The following EPHB1 variants were observed in gnomAD, a reference collection of about 807,000 sequenced individuals.
The protein encoded by EPHB1 is EPH receptor B1.
A neutral mutation model predicts 94.4 loss-of-function variants in EPHB1; 30 were observed. The ratio of observed to expected loss-of-function variants is 0.32; its 90% CI spans 0.24 to 0.43. The LOEUF is 0.43. Ranked by LOEUF, EPHB1 falls within the 20% of genes least tolerant of loss-of-function variation. The pLI, the probability that EPHB1 is intolerant of heterozygous loss-of-function variation, is 1.00. For synonymous variants in EPHB1, 522 were observed against 489.1 expected, an observed-to-expected ratio of 1.07 and a Z score of -0.89; for missense variants, 1,055 against 1,308.3, an observed-to-expected ratio of 0.81 and a Z score of 2.99.
chr3:135,001,195 C>G (rs762161925), intron 3 of EPHB1, among the ~76,000 whole-genome samples: 1 of 152,094 alleles, frequency 6.6e-6, no homozygotes, highest in South Asian at 2.1e-4. Flanking sequence ...AACAGCCAGG[C>G]GGGGGAGCCT....
intron 4 of EPHB1, among the ~76,000 whole-genome samples, chr3:135,109,392 T>C (rs1244772967): frequency 6.6e-6 from 1 of 152,248 alleles, no homozygotes; most frequent in African/African-American, 2.4e-5. Flanking sequence ...TAATAATGTA[T>C]GCTTTTCTGA....
At chr3:135,088,769 G>A (rs1938452938) in intron 3 of EPHB1, among the ~76,000 whole-genome samples, 1 of 152,200 alleles carries the variant, frequency 6.6e-6, no homozygotes, top group Non-Finnish European at 1.5e-5. Context: ...ATCAAAGCTT[G>A]ATGGGAATGT....
chr3:135,005,679 C>T (rs113170689), intron 3 of EPHB1, among the ~76,000 whole-genome samples: 32 of 152,330 alleles, frequency 2.1e-4, no homozygotes, highest in African/African-American at 4.3e-4. Flanking sequence ...TTTTTAAGCC[C>T]GTCGGAAAAG....
chr3:135,173,182 G>C (rs6786004), intron 9 of EPHB1, among the ~76,000 whole-genome samples: 124,078 of 150,860 alleles, frequency 0.82, 51,492 homozygotes, highest in East Asian at 1. Context: ...CTACAGGCGC[G>C]CGCCACTACG....
At chr3:135,118,158 T>G (rs1939788945) in intron 4 of EPHB1, among the ~76,000 whole-genome samples, 1 of 152,162 alleles carries the variant, frequency 6.6e-6, no homozygotes, top group African/African-American at 2.4e-5. Context: ...AGGGTCTGCA[T>G]GAGGCTCCAT....
At chr3:135,167,287 G>A (rs933880309) in intron 9 of EPHB1, among the ~76,000 whole-genome samples, 1 of 152,234 alleles carries the variant, frequency 6.6e-6, no homozygotes, top group African/African-American at 2.4e-5. Context: ...AAAAGATTGG[G>A]TTTAGCAAGT....
Position 135,031,598 on chromosome 3 carries a change from C to T in EPHB1, c.806-74850C>T, listed in dbSNP as rs140875761. Among the ~76,000 whole-genome samples, 8 of 152,364 alleles carry T rather than the reference C, an allele frequency of 5.3e-5. No individual in the cohort carries two copies. The East Asian group carries it at 1.2e-3, about 22-fold the overall frequency. On this transcript the variant is annotated intron_variant, in intron 3 of 15. Transcript: ENST00000398015. ...TTGCCGGGGTTATAGGCATGAGCCA[C>T]TGCATCCAGCTGCAACTATTTTTCA... is the stretch of plus-strand genomic sequence containing the variant.
Position 134,942,368 on chromosome 3 carries a change from A to G in EPHB1, c.124-9003A>G, listed in dbSNP as rs141042886. ...TTACTTGGAGGGTAAAGAGAATTCA[A>G]TGACGAAACAGAAGGGGAGGGCTGA... is the stretch of plus-strand genomic sequence containing the variant. On this transcript the variant is annotated intron_variant, in intron 2 of 15. Coordinates refer to ENST00000398015, the MANE Select transcript of EPHB1 (RefSeq NM_004441.5). Among the ~76,000 whole-genome samples the G allele has an allele frequency of 3.2e-3, 490 of 152,340 alleles. 2 individuals are homozygous for G. The highest frequency in any genetic ancestry group is 5.2e-3 in the Admixed American group (79 of 15,302).
At chr3:135,054,477 G>T (rs1937290764) in intron 3 of EPHB1, among the ~76,000 whole-genome samples, 2 of 152,238 alleles carry the variant, frequency 1.3e-5, no homozygotes, top group Non-Finnish European at 2.9e-5. Flanking sequence ...TATGCTGAAC[G>T]TCTCACTTCA....
chr3:134,822,445 A>G (rs1463737300), intron 1 of EPHB1, among the ~76,000 whole-genome samples: 1 of 152,222 alleles, frequency 6.6e-6, no homozygotes, highest in Non-Finnish European at 1.5e-5. Flanking sequence ...TGATGGGGGC[A>G]CTAACCAACA....
At chr3:135,201,328 G>C (rs1942749211) in intron 11 of EPHB1, 146 bp from the exon 12 acceptor site, 1 of 740,398 alleles carries the variant, frequency 1.4e-6, no homozygotes, top group Non-Finnish European at 2.3e-6. Context: ...AAGAATGGGG[G>C]ATGGGAGTGG....
intron 4 of EPHB1, among the ~76,000 whole-genome samples, chr3:135,129,423 T>C (rs1375470177): frequency 6.6e-6 from 1 of 152,058 alleles, no homozygotes; most frequent in East Asian, 1.9e-4. Flanking sequence ...TCATCACTGA[T>C]TACTGCTGCT....
At chr3:135,175,183 C>T (rs564978035) in intron 9 of EPHB1, among the ~76,000 whole-genome samples, 286 of 152,306 alleles carry the variant, frequency 1.9e-3, no homozygotes, top group Non-Finnish European at 3.6e-3. Flanking sequence ...TAAAGGGTCT[C>T]CCCGACTTTT....
At chr3:134,852,018 T>A (rs1206686427) in intron 1 of EPHB1, among the ~76,000 whole-genome samples, 4 of 152,190 alleles carry the variant, frequency 2.6e-5, no homozygotes, top group African/African-American at 7.2e-5. Flanking sequence ...TTCAGTAGAA[T>A]CCCAGGGCTA....
chr3:134,881,270 T>TG (rs1359667973), intron 1 of EPHB1, among the ~76,000 whole-genome samples: 3 of 152,022 alleles, frequency 2.0e-5, no homozygotes, highest in African/African-American at 7.3e-5. Flanking sequence ...GTTTCATGTG[T>TG]GGATGGGTAT....
rs59448814 is a variant in EPHB1 at position 134,882,761 on chromosome 3, C to CTTTCTTTTTTCTTTCTTT, written c.59-43055_59-43054insTTTCTTTTTTCTTTCTTT. ...TTCCTTCTTTCTTCCTTTCTTCCTT[C>CTTTCTTTTTTCTTTCTTT]CTTCCTTTCTTTCTTTCTTTCTTTC... On this transcript the variant is annotated intron_variant, in intron 1 of 15. Transcript: ENST00000398015. Among the ~76,000 whole-genome samples the CTTTCTTTTTTCTTTCTTT allele has an allele frequency of 1.9e-4, 6 of 31,290 alleles. No individual in the cohort carries two copies. The East Asian group carries it at 6.4e-3, about 34-fold the overall frequency. The allele number at this position is 31,290 out of a possible 152,430, so 20.5% of individuals were successfully genotyped here. A position where few individuals can be genotyped will look rare whatever the true frequency, so the allele number is the denominator to read the frequency against.
chr3:135,010,252 T>G (rs1434417595), intron 3 of EPHB1, among the ~76,000 whole-genome samples: 1 of 152,200 alleles, frequency 6.6e-6, no homozygotes, highest in Non-Finnish European at 1.5e-5. Flanking sequence ...TTTTAAAAAT[T>G]TCACAGTATC....
chr3:135,207,445 G>A (rs1293218943), intron 12 of EPHB1, among the ~76,000 whole-genome samples: 1 of 12,120 alleles, frequency 8.3e-5, no homozygotes, highest in Non-Finnish European at 5.1e-3. Flanking sequence ...TAGGCCACAA[G>A]CTGGGGACAT....
chr3:134,984,657 G>A (rs1934529734), intron 3 of EPHB1, among the ~76,000 whole-genome samples: 1 of 152,134 alleles, frequency 6.6e-6, no homozygotes, highest in Non-Finnish European at 1.5e-5. Flanking sequence ...AGAGAGGGAA[G>A]GGCCCTCATT....
Sources: gnomAD v4.1 joint callset for allele counts (sites outside exome capture counted in the v4.1 genomes callset) on GRCh38, gnomAD v4.1.1 for gene constraint, MANE v1.5 for transcripts, NCBI Gene and HGNC (gene_info 2026-07-23, HGNC 2026-07-21) for gene names.